The following PDE4D variants were observed in gnomAD, a reference collection of about 807,000 sequenced individuals.
PDE4D encodes phosphodiesterase 4D, also known as 3',5'-cyclic-AMP phosphodiesterase 4D.
A neutral mutation model predicts 87.4 loss-of-function variants in PDE4D; 24 were observed. The observed-to-expected ratio is 0.27, with a 90% confidence interval of 0.20 to 0.39. The LOEUF (loss-of-function observed/expected upper bound fraction) is 0.39. PDE4D is among the 10% of genes least tolerant of loss of function. PDE4D has a pLI of 1.00. For synonymous variants in PDE4D, 384 were observed against 383.2 expected (o/e 1.00, Z -0.02); for missense variants, 714 against 1,041.0 (o/e 0.69, Z 4.32).
chr5:60,197,840 C>G (rs1562209289), intron 1 of PDE4D, among the ~76,000 whole-genome samples: 1 of 151,612 alleles, frequency 6.6e-6, no homozygotes, highest in Non-Finnish European at 1.5e-5. Flanking sequence ...TCTCAATCCT[C>G]TGTCTCTTAG....
intron 1 of PDE4D, among the ~76,000 whole-genome samples, chr5:59,567,517 C>T (rs1449116886): frequency 6.6e-6 from 1 of 152,078 alleles, no homozygotes; most frequent in Non-Finnish European, 1.5e-5. Flanking sequence ...ATCCATGTCC[C>T]AAGTTAACTG....
chr5:59,957,424 C>CGTATGTGTATGTTTA (rs1561909207), intron 3 of PDE4D, among the ~76,000 whole-genome samples: 5 of 151,476 alleles, frequency 3.3e-5, no homozygotes, highest in African/African-American at 1.2e-4. Flanking sequence ...TGTCAGTGCA[C>CGTATGTGTATGTTTA]GTATGTGTAT....
chr5:59,207,498 A>G (rs1749053814), intron 2 of PDE4D, among the ~76,000 whole-genome samples: 1 of 152,208 alleles, frequency 6.6e-6, no homozygotes, highest in Non-Finnish European at 1.5e-5. Flanking sequence ...TTCTTTCAAA[A>G]TGTTCTTCAA....
At chr5:59,167,856 T>C (rs1183195339) in intron 5 of PDE4D, among the ~76,000 whole-genome samples, 2 of 152,194 alleles carry the variant, frequency 1.3e-5, no homozygotes, top group Admixed American at 6.5e-5. Flanking sequence ...AGCCTAAGCA[T>C]AGCCTTTCAC....
intron 1 of PDE4D, among the ~76,000 whole-genome samples, chr5:60,502,986 C>A (rs1226028002): frequency 6.6e-6 from 1 of 152,084 alleles, no homozygotes; most frequent in Non-Finnish European, 1.5e-5. Context: ...TAGAACCTTA[C>A]AACAAGGGCA....
chr5:60,161,616 G>T (rs1470575706), intron 2 of PDE4D, among the ~76,000 whole-genome samples: 1 of 152,074 alleles, frequency 6.6e-6, no homozygotes, highest in African/African-American at 2.4e-5. Context: ...TTTCAGATCT[G>T]TGCAAACTTG....
At chr5:59,365,457 C>T (rs541545154) in intron 1 of PDE4D, among the ~76,000 whole-genome samples, 1 of 152,002 alleles carries the variant, frequency 6.6e-6, no homozygotes, top group African/African-American at 2.4e-5. Flanking sequence ...CAGAGTAAGA[C>T]CCTATCTCTA....
In PDE4D at chr5:59,384,333, G is replaced by T. The variant is rs373517401; in HGVS notation, c.456-168365C>A. On this transcript the variant is annotated intron_variant, in intron 1 of 14. Coordinates refer to ENST00000340635, the MANE Select transcript of PDE4D (RefSeq NM_001104631.2). ...TGCACTTAATAACCCTCTTGTAGTT[G>T]AATGGAGCCACGTGACTAATTCTGG... Among the ~76,000 whole-genome samples the T allele has an allele frequency of 3.9e-5, 6 of 152,292 alleles. No homozygotes were observed. In the South Asian group the frequency reaches 6.2e-4, roughly 16 times the overall value.
chr5:59,852,446 T>G (rs536633296), intron 1 of PDE4D, among the ~76,000 whole-genome samples: 1 of 152,158 alleles, frequency 6.6e-6, no homozygotes, highest in South Asian at 2.1e-4. Flanking sequence ...AGCTGCCCCA[T>G]GGAGAAGACC....
chr5:59,230,376 A>C (rs976407024), intron 1 of PDE4D, among the ~76,000 whole-genome samples: 2 of 152,134 alleles, frequency 1.3e-5, no homozygotes, highest in African/African-American at 2.4e-5. Flanking sequence ...CTGTCTCTCA[A>C]GATATTACAA....
rs1004288890 is a variant in PDE4D at position 59,384,638 on chromosome 5, T to C, written c.456-168670A>G. Among the ~76,000 whole-genome samples the C allele has an allele frequency of 4.6e-5, 7 of 152,278 alleles. No individual in the cohort carries two copies. The East Asian group carries it at 1.4e-3, about 29-fold the overall frequency. On this transcript the variant is annotated intron_variant, in intron 1 of 14. Transcript: ENST00000340635. ...TTATGCACATATAATTTTAAAATTA[T>C]ACTGAAAACCTTATTCAAAAAACAG...
At chr5:59,019,870 GCTATCTATCTATCTAT>G (rs70973175) in intron 6 of PDE4D, among the ~76,000 whole-genome samples, 15,590 of 149,980 alleles carry the variant, frequency 0.1, 1,263 homozygotes, top group East Asian at 0.47. Flanking sequence ...TATATGTTTC[GCTATCTATCTATCTAT>G]CTATCTATCT....
At chr5:60,461,143 A>G (rs1383491023) in intron 1 of PDE4D, among the ~76,000 whole-genome samples, 1 of 152,206 alleles carries the variant, frequency 6.6e-6, no homozygotes. Context: ...AAATGGGAGA[A>G]AATGCAGAAA....
At chr5:60,437,081 C>T (rs79499219) in intron 1 of PDE4D, among the ~76,000 whole-genome samples, 7,236 of 152,078 alleles carry the variant, frequency 0.048, 556 homozygotes, top group African/African-American at 0.17. Context: ...CACACAATCA[C>T]TTTTTCTCCC....
chr5:59,108,953 CAATGTGTGTGTGTGTGTG>C (rs765204048), intron 5 of PDE4D, among the ~76,000 whole-genome samples: 155 of 94,422 alleles, frequency 1.6e-3, no homozygotes, highest in South Asian at 0.016. Flanking sequence ...CATAGGAACT[CAATGTGTGTGTGTGTGTG>C]TGTGTGTGTG....
intron 1 of PDE4D, among the ~76,000 whole-genome samples, chr5:60,197,124 G>GA (rs1354806646): frequency 1.3e-5 from 2 of 150,740 alleles, no homozygotes; most frequent in Admixed American, 1.3e-4. Flanking sequence ...TAGATAGATA[G>GA]ATTAGATAGG....
chr5:59,843,067 A>T (rs992019341), intron 1 of PDE4D, among the ~76,000 whole-genome samples: 5 of 151,962 alleles, frequency 3.3e-5, no homozygotes, highest in African/African-American at 9.7e-5. Flanking sequence ...AAAAAATATA[A>T]AATTTATTTA....
At chr5:60,253,419 T>G (rs1303904777) in intron 1 of PDE4D, among the ~76,000 whole-genome samples, 2 of 151,870 alleles carry the variant, frequency 1.3e-5, no homozygotes, top group Non-Finnish European at 2.9e-5. Flanking sequence ...AGAAATGTTT[T>G]CCTACAGAAC....
At chr5:60,481,873 C>T (rs527266330) in intron 1 of PDE4D, among the ~76,000 whole-genome samples, 1 of 152,178 alleles carries the variant, frequency 6.6e-6, no homozygotes, top group South Asian at 2.1e-4. Context: ...AAAGTAAAAT[C>T]ATTTTCCTAA....
Sources: gnomAD v4.1 joint callset for allele counts (sites outside exome capture counted in the v4.1 genomes callset) on GRCh38, gnomAD v4.1.1 for gene constraint, MANE v1.5 for transcripts, NCBI Gene and HGNC (gene_info 2026-07-23, HGNC 2026-07-21) for gene names.